The following DNAI7 variants were observed in gnomAD, a reference collection of about 807,000 sequenced individuals.
The protein encoded by DNAI7 is cancer susceptibility 1.
Under a neutral mutation model 86.6 loss-of-function variants are expected in DNAI7, and 78 were observed. The ratio of observed to expected loss-of-function variants is 0.90; its 90% CI spans 0.75 to 1.09. DNAI7 has a LOEUF of 1.09. DNAI7 is among the 50% of genes least tolerant of loss of function. The pLI, the probability that DNAI7 is intolerant of heterozygous loss-of-function variation, is 0.00. For synonymous variants in DNAI7, 274 were observed against 273.0 expected (o/e 1.00, Z -0.04); for missense variants, 753 against 810.2 (o/e 0.93, Z 0.86).
chr12:25,195,029 A>G (rs1291308591), intron 1 of DNAI7, 47 bp downstream of exon 1: 3 of 1,614,078 alleles, frequency 1.9e-6, no homozygotes, highest in African/African-American at 2.7e-5. Context: ...GGTGAAGCAG[A>G]ATCAGTGGTC....
At chr12:25,124,031 A>AC (rs1941710758) in intron 9 of DNAI7, among the ~76,000 whole-genome samples, 1 of 30,598 alleles carries the variant, frequency 3.3e-5, no homozygotes, top group African/African-American at 6.5e-5. Context: ...TAGTATAAAA[A>AC]TTGTGTGTGT....
At chr12:25,155,684 A>G (rs1946076116) in intron 4 of DNAI7, among the ~76,000 whole-genome samples, 1 of 152,182 alleles carries the variant, frequency 6.6e-6, no homozygotes, top group Admixed American at 6.5e-5. Flanking sequence ...TGACTTTTTC[A>G]TCGTGTATCT....
Position 25,108,359 on chromosome 12 carries a change from A to T in DNAI7, c.*189T>A. On this transcript the variant is annotated 3_prime_UTR_variant, in exon 16 of 16. Transcript: ENST00000395987. ...CATAGAGTGAAAGCTGAAATTCTTA[A>T]CAGGCCAAGTATTCAAAGGAAAAAA... 1.8e-6 allele frequency: 1 copy of T among 564,914 alleles called. No individual in the cohort carries two copies. Among genetic ancestry groups the T allele is most frequent in the East Asian group, 3.0e-5 (1 of 33,758 alleles). 35.0% of individuals were successfully genotyped at this position (564,914 alleles called of 1,614,324 possible). A position where few individuals can be genotyped will look rare whatever the true frequency, so the allele number is the denominator to read the frequency against.
intron 1 of DNAI7, among the ~76,000 whole-genome samples, chr12:25,190,858 T>G (rs531735017): frequency 2.1e-4 from 32 of 152,328 alleles, no homozygotes; most frequent in Admixed American, 1.3e-3. Flanking sequence ...AAAAACTAAG[T>G]TCACCTACTG....
chr12:25,139,022 G>A (rs1000200957), intron 9 of DNAI7, among the ~76,000 whole-genome samples: 1 of 152,010 alleles, frequency 6.6e-6, no homozygotes, highest in Non-Finnish European at 1.5e-5. Context: ...CAAAATGAGA[G>A]ATACTACAAC....
Position 25,114,769 on chromosome 12 carries a change from G to C in DNAI7, c.1498C>G (p.Gln500Glu), listed in dbSNP as rs1404016549. The C allele has an allele frequency of 6.2e-7, 1 of 1,613,914 alleles. No homozygotes were observed. The highest frequency in any genetic ancestry group is 2.2e-5 in the East Asian group (1 of 44,860). Residue 500 changes from glutamine to glutamate, a missense_variant, in exon 13 of 16, where the codon CAA (glutamine) becomes GAA (glutamate). Coordinates refer to ENST00000395987, the MANE Select transcript of DNAI7 (RefSeq NM_018272.5). ...TACGGCATGTTAATATGAGCATCTT[G>C]AATCAAGGTAACAGGGCCAAAGGTG... ...LDTFGPVTLI[Q>E]DAHINMPYQS...
intron 7 of DNAI7, among the ~76,000 whole-genome samples, chr12:25,147,831 C>T (rs1945064761): frequency 6.6e-6 from 1 of 152,096 alleles, no homozygotes; most frequent in African/African-American, 2.4e-5. Context: ...TAACCTATCT[C>T]CGAACACACC....
chr12:25,156,667 G>A lies in DNAI7; in HGVS notation c.199-1255C>T, dbSNP rs146533268. Among the ~76,000 whole-genome samples the A allele has an allele frequency of 8.4e-3, 1,276 of 151,864 alleles. 16 individuals are homozygous for A. Among genetic ancestry groups the A allele is most frequent in the African/African-American group, 0.029 (1,216 of 41,412 alleles). ...AAGGCAGGAGAATCGCCTGAACCTG[G>A]GACGTGGAGGTTGCAGTGAGCCGAG... is the stretch of plus-strand genomic sequence containing the variant. On this transcript the variant is annotated intron_variant, in intron 4 of 15. Transcript: ENST00000395987.
chr12:25,108,910 A>G (rs530468285), intron 15 of DNAI7, 87 bp from the exon 16 acceptor site: 2 of 799,832 alleles, frequency 2.5e-6, no homozygotes, highest in South Asian at 2.4e-5. Flanking sequence ...GAAGGGCTCA[A>G]TTTATCCCCC....
At position 25,195,148 on chromosome 12, in the gene DNAI7, T is replaced by G; in HGVS notation, c.-70A>C. 3,521 of 1,307,496 alleles carry G rather than the reference T, an allele frequency of 2.7e-3. No homozygotes were observed. The highest frequency in any genetic ancestry group is 3.5e-3 in the Non-Finnish European group (3,176 of 903,976). 81.0% of individuals were successfully genotyped at this position (1,307,496 alleles called of 1,614,324 possible). On this transcript the variant is annotated 5_prime_UTR_variant, in exon 1 of 16. Transcript: ENST00000395987. ...AATTGTGTGGACAAACGCTCCCGGGTTGCCCGGACGACAGGCCCCGCCCAC... is the reference window on the plus strand; with the variant it reads ...AATTGTGTGGACAAACGCTCCCGGGGTGCCCGGACGACAGGCCCCGCCCAC...
chr12:25,125,394 GCTT>G (rs1941989839), intron 9 of DNAI7, among the ~76,000 whole-genome samples: 1 of 152,062 alleles, frequency 6.6e-6, no homozygotes, highest in African/African-American at 2.4e-5. Flanking sequence ...CTTTTCATAT[GCTT>G]CTAGGCCACA....
At chr12:25,156,585 A>G (rs1946201541) in intron 4 of DNAI7, among the ~76,000 whole-genome samples, 4 of 152,084 alleles carry the variant, frequency 2.6e-5, no homozygotes, top group Admixed American at 1.3e-4. Flanking sequence ...TATTAAAAAT[A>G]CGAAAATTAG....
chr12:25,133,473 G>A (rs972440866), intron 9 of DNAI7, among the ~76,000 whole-genome samples: 1 of 152,120 alleles, frequency 6.6e-6, no homozygotes, highest in African/African-American at 2.4e-5. Flanking sequence ...GGCAAGTATA[G>A]GCCCATCTGA....
rs145718895 is a variant in DNAI7, at chr12:25,122,565, T to C, written c.1078+646A>G. Among the ~76,000 whole-genome samples, 147 of 151,668 alleles carry C rather than the reference T, an allele frequency of 9.7e-4. 1 individual carries two copies. Among genetic ancestry groups the C allele is most frequent in the African/African-American group, 3.3e-3 (135 of 41,296 alleles). On this transcript the variant is annotated intron_variant, in intron 10 of 15. Coordinates refer to ENST00000395987, the MANE Select transcript of DNAI7 (RefSeq NM_018272.5). The stretch of plus-strand genomic sequence containing the variant: ...ATAGAAAATAGATTCCTAGAAGTTA[T>C]GGGGAAAGAAGCATAAAGTTAACAG...
At position 25,158,542 on chromosome 12, in the gene DNAI7, T is replaced by C; in HGVS notation, c.128A>G (p.Glu43Gly). Residue 43 changes from glutamate to glycine, a missense_variant, in exon 4 of 16, where the codon GAG becomes GGG. Physicochemically the swap from Glu to Gly is moderately conservative, Grantham distance 98. Coordinates refer to ENST00000395987, the MANE Select transcript of DNAI7 (RefSeq NM_018272.5). The part of the protein sequence containing the change: ...KEEEEARLKY[E>G]KEEMERLEIQ... The stretch of plus-strand genomic sequence containing the variant: ...TTCAAGCCTTTCCATTTCTTCTTTC[T>C]CATATTTCAAACGGGCTTCCTCTAA... 2 of 1,612,916 alleles carry C rather than the reference T, an allele frequency of 1.2e-6. No individual in the cohort carries two copies. The highest frequency in any genetic ancestry group is 1.7e-6 in the Non-Finnish European group (2 of 1,179,622).
At chr12:25,167,578 G>T (rs192270060) in intron 2 of DNAI7, among the ~76,000 whole-genome samples, 1 of 151,876 alleles carries the variant, frequency 6.6e-6, no homozygotes, top group African/African-American at 2.4e-5. Context: ...GCGAACAACC[G>T]CTGGCTTTGC....
intron 2 of DNAI7, among the ~76,000 whole-genome samples, chr12:25,172,558 C>A (rs1948257931): frequency 6.6e-6 from 1 of 152,196 alleles, no homozygotes; most frequent in African/African-American, 2.4e-5. Flanking sequence ...ATACAATCCC[C>A]ATCAGAATAC....
At chr12:25,122,217 C>T (rs1031881135) in intron 10 of DNAI7, among the ~76,000 whole-genome samples, 4 of 151,876 alleles carry the variant, frequency 2.6e-5, no homozygotes, top group East Asian at 1.9e-4. Context: ...CACTACTTTG[C>T]GAGGCTGAGG....
At chr12:25,137,871 C>A (rs1418345821) in intron 9 of DNAI7, among the ~76,000 whole-genome samples, 1 of 152,140 alleles carries the variant, frequency 6.6e-6, no homozygotes, top group African/African-American at 2.4e-5. Context: ...GCACTTAACA[C>A]TGGAGTTCCC....
Sources: allele counts gnomAD v4.1 joint callset (sites outside exome capture counted in the v4.1 genomes callset), GRCh38; gene constraint gnomAD v4.1.1; transcripts MANE v1.5; gene names NCBI Gene and HGNC (gene_info 2026-07-23, HGNC 2026-07-21).